The following MALRD1 variants were observed in gnomAD, a reference collection of about 807,000 sequenced individuals.
The protein encoded by MALRD1 is MAM and LDL receptor class A domain containing 1.
Under a neutral mutation model 242.1 loss-of-function variants are expected in MALRD1, and 247 were observed. The ratio of observed to expected loss-of-function variants is 1.02; its 90% CI spans 0.92 to 1.13. The LOEUF (loss-of-function observed/expected upper bound fraction) is 1.13. Ranked by LOEUF, MALRD1 falls within the 50% of genes most tolerant of loss-of-function variation. The pLI is 0.00. For missense variants in MALRD1, 2,989 were observed against 2,533.1 expected (o/e 1.18, Z -3.86); for synonymous variants, 995 against 866.6 (o/e 1.15, Z -2.60).
intron 36 of MALRD1, among the ~76,000 whole-genome samples, chr10:19,684,743 C>A (rs1331647138): frequency 6.6e-6 from 1 of 152,146 alleles, no homozygotes; most frequent in African/African-American, 2.4e-5. Context: ...CAGAGCAAGA[C>A]TCTAACTCAA....
At chr10:19,443,531 C>T (rs1834789284) in intron 28 of MALRD1, among the ~76,000 whole-genome samples, 1 of 152,156 alleles carries the variant, frequency 6.6e-6, no homozygotes, top group Non-Finnish European at 1.5e-5. Context: ...TCTTTGCTCT[C>T]ATTGGTTTCA....
chr10:19,326,730 GAT>G (rs1843150267), intron 22 of MALRD1, among the ~76,000 whole-genome samples: 1 of 151,978 alleles, frequency 6.6e-6, no homozygotes, highest in Non-Finnish European at 1.5e-5. Flanking sequence ...TAAAAAAACA[GAT>G]AATGTAATCA....
At chr10:19,071,780 A>C (rs905387096) in intron 2 of MALRD1, among the ~76,000 whole-genome samples, 3 of 152,156 alleles carry the variant, frequency 2.0e-5, no homozygotes, top group African/African-American at 7.2e-5. Context: ...AAGACCAAAC[A>C]TGGAGACAAG....
intron 2 of MALRD1, among the ~76,000 whole-genome samples, chr10:19,086,263 G>C (rs988670353): frequency 3.3e-5 from 5 of 151,970 alleles, no homozygotes; most frequent in African/African-American, 1.2e-4. Context: ...TTTTACTATT[G>C]ATTCTTTTAA....
At chr10:19,582,684 C>T (rs1183217135) in intron 33 of MALRD1, among the ~76,000 whole-genome samples, 15 of 125,368 alleles carry the variant, frequency 1.2e-4, no homozygotes, top group African/African-American at 4.1e-4. Flanking sequence ...TCTTTTGGCT[C>T]AGGATTGACT....
At chr10:19,523,142 G>T (rs899747347) in intron 31 of MALRD1, among the ~76,000 whole-genome samples, 3 of 151,982 alleles carry the variant, frequency 2.0e-5, no homozygotes, top group Non-Finnish European at 2.9e-5. Flanking sequence ...ATCTCTTATT[G>T]CTTCTGAGTC....
chr10:19,417,996 TACAC>T (rs1833575966), intron 28 of MALRD1, among the ~76,000 whole-genome samples: 2 of 151,788 alleles, frequency 1.3e-5, no homozygotes, highest in Admixed American at 1.3e-4. Flanking sequence ...CACACACACA[TACAC>T]ACACCTGCCC....
chr10:19,293,583 C>T (rs931255577), intron 21 of MALRD1, among the ~76,000 whole-genome samples: 12 of 151,998 alleles, frequency 7.9e-5, no homozygotes, highest in African/African-American at 1.2e-4. Context: ...TAGAAAAGAA[C>T]GAGATCATGT....
chr10:19,520,832 T>A (rs775328786), intron 31 of MALRD1, among the ~76,000 whole-genome samples: 25 of 152,332 alleles, frequency 1.6e-4, no homozygotes, highest in Non-Finnish European at 3.1e-4. Context: ...ATTTTCATTT[T>A]GCTGCCAAAA....
chr10:19,122,612 G>A (rs181113928), intron 5 of MALRD1, among the ~76,000 whole-genome samples: 1 of 152,088 alleles, frequency 6.6e-6, no homozygotes, highest in Admixed American at 6.6e-5. Context: ...TCAAAGCTTG[G>A]GTATTTAGGA....
At position 19,516,022 on chromosome 10, in the gene MALRD1, T is replaced by C. The variant is rs539485842; in HGVS notation, c.5321-15172T>C. 7.9e-5 allele frequency among the ~76,000 whole-genome samples: 12 copies of C among 152,354 alleles called. No homozygotes were observed. In the South Asian group the frequency reaches 2.5e-3, roughly 32 times the overall value. ...AGATGAGACGTTAAACAACTAGCTA[T>C]CGTCTTAAGTTATTTTCATTGCTGA... On this transcript the variant is annotated intron_variant, in intron 31 of 39. Transcript: ENST00000454679.
At chr10:19,355,654 C>A (rs1231321044) in intron 26 of MALRD1, among the ~76,000 whole-genome samples, 1 of 150,638 alleles carries the variant, frequency 6.6e-6, no homozygotes, top group East Asian at 2.0e-4. Context: ...GTTCACTTTC[C>A]TATAAGCTAC....
At chr10:19,483,646 T>TG in intron 29 of MALRD1, among the ~76,000 whole-genome samples, 1 of 152,234 alleles carries the variant, frequency 6.6e-6, no homozygotes, top group South Asian at 2.1e-4. Flanking sequence ...AAATAACAGA[T>TG]GCTGGTGAGG....
intron 39 of MALRD1, 98 bp downstream of exon 39, chr10:19,730,879 T>A: frequency 9.0e-7 from 1 of 1,109,874 alleles, no homozygotes; most frequent in Non-Finnish European, 1.3e-6. Context: ...TGATCATGTT[T>A]CTACATCATA....
At chr10:19,613,228 A>G (rs1407693076) in intron 35 of MALRD1, among the ~76,000 whole-genome samples, 1 of 152,054 alleles carries the variant, frequency 6.6e-6, no homozygotes, top group East Asian at 1.9e-4. Context: ...AAAAAATCTG[A>G]AGAAAGACCA....
At chr10:19,295,381 G>T (rs796956765) in intron 21 of MALRD1, among the ~76,000 whole-genome samples, 23 of 151,850 alleles carry the variant, frequency 1.5e-4, no homozygotes, top group African/African-American at 5.1e-4. Context: ...AGTTAAAATA[G>T]TATCCAATTG....
intron 18 of MALRD1, among the ~76,000 whole-genome samples, chr10:19,210,530 A>C (rs1382339421): frequency 6.6e-6 from 1 of 152,164 alleles, no homozygotes; most frequent in Admixed American, 6.5e-5. Context: ...AGTCAAATTA[A>C]TCTACACATA....
intron 18 of MALRD1, among the ~76,000 whole-genome samples, chr10:19,249,993 A>AT (rs1200531572): frequency 2.0e-5 from 3 of 151,958 alleles, no homozygotes; most frequent in African/African-American, 7.2e-5. Context: ...GCATATGATG[A>AT]TTTTTTGTAG....
chr10:19,621,089 A>T (rs1839379769), intron 36 of MALRD1, among the ~76,000 whole-genome samples: 1 of 151,758 alleles, frequency 6.6e-6, no homozygotes, highest in Non-Finnish European at 1.5e-5. Flanking sequence ...AAACTATCTC[A>T]AATTTCATCA....
Sources: allele counts gnomAD v4.1 joint callset (sites outside exome capture counted in the v4.1 genomes callset), GRCh38; gene constraint gnomAD v4.1.1; transcripts MANE v1.5; gene names NCBI Gene and HGNC (gene_info 2026-07-23, HGNC 2026-07-21).